Variants in UBE2R2 observed in about 807,000 individuals in gnomAD.
The protein encoded by UBE2R2 is ubiquitin conjugating enzyme E2 R2, also known as ubiquitin-conjugating enzyme E2 R2.
Under a neutral mutation model 27.8 loss-of-function variants are expected in UBE2R2, and 1 was observed. The observed-to-expected ratio is 0.04, with a 90% CI of 0.01 to 0.17. The LOEUF (loss-of-function observed/expected upper bound fraction) is 0.17, where lower values mean the gene tolerates loss of function less well. Among genes scored for constraint, UBE2R2 ranks in the 10% least tolerant of loss-of-function variants. UBE2R2 has a pLI of 1.00. For missense variants in UBE2R2, 100 were observed against 291.0 expected, an observed-to-expected ratio of 0.34 and a Z score of 4.78; for synonymous variants, 106 against 113.3, an observed-to-expected ratio of 0.94 and a Z score of 0.41.
chr9:33,906,322 G>GTGTTAGTCGGGCTGATCT (rs1423744093), intron 3 of UBE2R2, among the ~76,000 whole-genome samples: 1 of 152,046 alleles, frequency 6.6e-6, no homozygotes, highest in Non-Finnish European at 1.5e-5. Flanking sequence ...GGATTTTTCC[G>GTGTTAGTCGGGCTGATCT]TGTTAGTCGG....
chr9:33,877,796 C>T (rs943735982), intron 1 of UBE2R2, among the ~76,000 whole-genome samples: 19 of 112,646 alleles, frequency 1.7e-4, no homozygotes, highest in African/African-American at 7.6e-4. Context: ...GATTTTTGCC[C>T]CTCTCTGTCT....
intron 1 of UBE2R2, among the ~76,000 whole-genome samples, chr9:33,822,106 T>TG (rs1257401201): frequency 6.6e-5 from 10 of 151,394 alleles, no homozygotes; most frequent in Admixed American, 6.6e-4. Context: ...ATTTTTTTTT[T>TG]TTGAGACTGA....
intron 1 of UBE2R2, among the ~76,000 whole-genome samples, chr9:33,878,755 G>C (rs980525248): frequency 1.3e-5 from 2 of 152,186 alleles, no homozygotes; most frequent in Non-Finnish European, 2.9e-5. Context: ...TGTTTATGCT[G>C]TATGCTGAAG....
intron 1 of UBE2R2, among the ~76,000 whole-genome samples, chr9:33,844,457 G>A (rs1820795544): frequency 1.3e-5 from 2 of 150,524 alleles, no homozygotes; most frequent in Admixed American, 6.6e-5. Flanking sequence ...GCCCGACTCA[G>A]CCTCCCAAAG....
intron 1 of UBE2R2, among the ~76,000 whole-genome samples, chr9:33,874,072 C>A (rs1821550761): frequency 6.6e-6 from 1 of 151,886 alleles, no homozygotes. Flanking sequence ...CTCAGCCGCC[C>A]AAGTAGCTGG....
At position 33,897,024 on chromosome 9, in the gene UBE2R2, A is replaced by ATTTTTT. The variant is rs749987839; in HGVS notation, c.265-3125_265-3120dup. Among the ~76,000 whole-genome samples the ATTTTTT allele has an allele frequency of 6.6e-3, 268 of 40,644 alleles. 86 individuals are homozygous for ATTTTTT. The highest frequency in any genetic ancestry group is 0.023 in the East Asian group (24 of 1,042). The allele number at this position is 40,644 out of a possible 152,430, so 26.7% of individuals were successfully genotyped here. A position where few individuals can be genotyped will look rare whatever the true frequency, so the allele number is the denominator to read the frequency against. Reference sequence around the variant, plus strand: ...CCAAGTAGCATACTTCTGTGGCCTAATTTTTTTTTTTTTTTTTTTTTTTTT... The same window carrying ATTTTTT: ...CCAAGTAGCATACTTCTGTGGCCTAATTTTTTTTTTTTTTTTTTTTTTTTTTTTTTT... On this transcript the variant is annotated intron_variant, in intron 2 of 4. Coordinates refer to ENST00000263228, the MANE Select transcript of UBE2R2 (RefSeq NM_017811.4).
intron 2 of UBE2R2, among the ~76,000 whole-genome samples, chr9:33,894,638 C>G (rs1057201599): frequency 1.3e-5 from 2 of 152,122 alleles, no homozygotes; most frequent in African/African-American, 4.8e-5. Flanking sequence ...TGGCTCACAC[C>G]TGTAATCTCA....
chr9:33,889,070 C>T (rs558412830), intron 2 of UBE2R2, among the ~76,000 whole-genome samples: 9 of 152,314 alleles, frequency 5.9e-5, no homozygotes, highest in African/African-American at 2.2e-4. Flanking sequence ...ATAGTGACTA[C>T]ACTGTTCTGT....
chr9:33,900,065 C>T, intron 2 of UBE2R2, 109 bp from the exon 3 acceptor site: 3 of 711,150 alleles, frequency 4.2e-6, no homozygotes, highest in Non-Finnish European at 7.1e-6. Context: ...ATTGTTTTCT[C>T]CTTTGATGAA....
At chr9:33,839,997 TAAAAA>T (rs58097090) in intron 1 of UBE2R2, among the ~76,000 whole-genome samples, 1 of 148,090 alleles carries the variant, frequency 6.8e-6, no homozygotes, top group Non-Finnish European at 1.5e-5. Context: ...CCCTGACTCT[TAAAAA>T]AAAAAAATTC....
intron 1 of UBE2R2, among the ~76,000 whole-genome samples, chr9:33,855,248 C>G (rs1821076137): frequency 6.6e-6 from 1 of 151,990 alleles, no homozygotes; most frequent in Non-Finnish European, 1.5e-5. Flanking sequence ...AGCTTTCCTT[C>G]AGTTTATTTT....
chr9:33,896,496 G>A (rs1935028514), intron 2 of UBE2R2, among the ~76,000 whole-genome samples: 1 of 151,736 alleles, frequency 6.6e-6, no homozygotes, highest in Non-Finnish European at 1.5e-5. Context: ...AGTCTGGAGT[G>A]CAGTAATACG....
At chr9:33,840,988 C>T (rs1043039847) in intron 1 of UBE2R2, among the ~76,000 whole-genome samples, 2 of 151,918 alleles carry the variant, frequency 1.3e-5, no homozygotes, top group African/African-American at 4.8e-5. Context: ...GAAGTGGGGC[C>T]ATCGCAACTC....
chr9:33,831,052 T>C (rs1820463262), intron 1 of UBE2R2: 1 of 143,784 alleles, frequency 7.0e-6, no homozygotes, highest in African/African-American at 2.6e-5. Context: ...TCTTCTTCAT[T>C]CCCTCTGTTT....
In UBE2R2 at chr9:33,918,747, G is replaced by A. The variant is rs775392446; in HGVS notation, c.*1510G>A. On this transcript the variant is annotated 3_prime_UTR_variant, in exon 5 of 5. Coordinates refer to ENST00000263228, the MANE Select transcript of UBE2R2 (RefSeq NM_017811.4). Reference sequence around the variant, plus strand: ...AAGGACTGACTGTAGTCCTATTTCAGACCCCTGGGCACTAGTGTCAACTCC... The same window carrying A: ...AAGGACTGACTGTAGTCCTATTTCAAACCCCTGGGCACTAGTGTCAACTCC... The A allele has an allele frequency of 6.6e-6, 1 of 152,590 alleles. No homozygotes were observed. Among genetic ancestry groups the A allele is most frequent in the Non-Finnish European group, 1.5e-5 (1 of 68,058 alleles). 9.5% of individuals were successfully genotyped at this position (152,590 alleles called of 1,614,324 possible). A position where few individuals can be genotyped will look rare whatever the true frequency, so the allele number is the denominator to read the frequency against.
chr9:33,850,356 C>G (rs910291881), intron 1 of UBE2R2, among the ~76,000 whole-genome samples: 1 of 152,136 alleles, frequency 6.6e-6, no homozygotes, highest in Non-Finnish European at 1.5e-5. Flanking sequence ...GTGGCAGCAA[C>G]TGCAAAGAGG....
chr9:33,901,321 A>G (rs576485902), intron 3 of UBE2R2, among the ~76,000 whole-genome samples: 13 of 152,314 alleles, frequency 8.5e-5, no homozygotes, highest in Admixed American at 2.6e-4. Context: ...AGTATTTACT[A>G]TCAGTGTGGC....
chr9:33,861,678 A>G (rs1465534649), intron 1 of UBE2R2, among the ~76,000 whole-genome samples: 2 of 151,928 alleles, frequency 1.3e-5, no homozygotes, highest in Admixed American at 6.6e-5. Context: ...TTTTAATTTT[A>G]AAGGGTTTAT....
Position 33,821,752 on chromosome 9 carries a change from A to G in UBE2R2, c.177+3818A>G, listed in dbSNP as rs143480715. ...TGCCTCAGCCTCCCGAGTAGCTGGG[A>G]TTACCGGCGTGCGCCATGAAACCTG... On this transcript the variant is annotated intron_variant, in intron 1 of 4. Coordinates refer to ENST00000263228, the MANE Select transcript of UBE2R2 (RefSeq NM_017811.4). Among the ~76,000 whole-genome samples, 926 of 151,266 alleles carry G rather than the reference A, an allele frequency of 6.1e-3. 7 individuals carry two copies. The highest frequency in any genetic ancestry group is 0.021 in the African/African-American group (874 of 41,184).
Sources: allele counts gnomAD v4.1 joint callset (sites outside exome capture counted in the v4.1 genomes callset), GRCh38; gene constraint gnomAD v4.1.1; transcripts MANE v1.5; gene names NCBI Gene and HGNC (gene_info 2026-07-23, HGNC 2026-07-21).